Variants in MBNL1 observed in about 807,000 individuals in gnomAD.
MBNL1 encodes muscleblind like splicing regulator 1, also known as muscleblind-like protein 1.
Under a neutral mutation model 42.2 loss-of-function variants are expected in MBNL1, and 8 were observed. That is an observed-to-expected ratio of 0.19 (90% CI 0.11 to 0.34). MBNL1 has a LOEUF of 0.34. MBNL1 is among the 10% of genes least tolerant of loss of function. The probability of loss-of-function intolerance (pLI) is 1.00; values close to 1 mark genes in which losing one functional copy is unlikely to be tolerated. For synonymous variants in MBNL1, 169 were observed against 173.9 expected, an observed-to-expected ratio of 0.97 and a Z score of 0.22; for missense variants, 309 against 495.3, an observed-to-expected ratio of 0.62 and a Z score of 3.57.
chr3:152,337,146 A>G (rs2090795842), intron 2 of MBNL1, among the ~76,000 whole-genome samples: 1 of 152,116 alleles, frequency 6.6e-6, no homozygotes, highest in Admixed American at 6.6e-5. Context: ...ACTCTTTTGT[A>G]GCTGTTTAAT....
chr3:152,338,093 A>G (rs2091688892), intron 2 of MBNL1: 1 of 964,580 alleles, frequency 1.0e-6, no homozygotes, highest in Non-Finnish European at 1.2e-6. Context: ...ATGCTATAAT[A>G]TGTATTCCTT....
chr3:152,265,443 T>A (rs2037073018), upstream of MBNL1: 1 of 150,280 alleles, frequency 6.7e-6, no homozygotes, highest in Non-Finnish European at 1.5e-5. Flanking sequence ...CAAGTTATAT[T>A]GCAGAGGCAG....
intron 2 of MBNL1, among the ~76,000 whole-genome samples, chr3:152,385,923 T>C (rs2097396807): frequency 6.6e-6 from 1 of 152,036 alleles, no homozygotes; most frequent in Non-Finnish European, 1.5e-5. Flanking sequence ...CTGGCTGAAG[T>C]CTATCCCATA....
intron 2 of MBNL1, among the ~76,000 whole-genome samples, chr3:152,386,785 A>G (rs1349251282): frequency 6.6e-6 from 1 of 152,156 alleles, no homozygotes; most frequent in Non-Finnish European, 1.5e-5. Flanking sequence ...AAAAAACACT[A>G]AAATCCTTTT....
chr3:152,361,832 A>G (rs1215648380), intron 2 of MBNL1, among the ~76,000 whole-genome samples: 4 of 152,212 alleles, frequency 2.6e-5, no homozygotes, highest in Non-Finnish European at 4.4e-5. Context: ...TGATTACTGT[A>G]CATTTAATAA....
chr3:152,335,248 T>C (rs1224719563), intron 2 of MBNL1: 4 of 1,289,544 alleles, frequency 3.1e-6, no homozygotes, highest in Admixed American at 2.3e-5. Context: ...AATAAGGCAA[T>C]TGGGGAGCCA....
intron 2 of MBNL1, among the ~76,000 whole-genome samples, chr3:152,389,963 C>A (rs1021927842): frequency 3.9e-4 from 59 of 151,990 alleles, no homozygotes; most frequent in African/African-American, 1.3e-3. Context: ...GCAACATATG[C>A]CTCCCGGGTT....
intron 1 of MBNL1, among the ~76,000 whole-genome samples, chr3:152,286,191 A>G (rs1455732907): frequency 6.6e-6 from 1 of 150,662 alleles, no homozygotes; most frequent in Non-Finnish European, 1.5e-5. Flanking sequence ...GTATATGAAG[A>G]AAACGATTTG....
intron 2 of MBNL1, among the ~76,000 whole-genome samples, chr3:152,379,648 CAA>C (rs2097092646): frequency 6.6e-6 from 1 of 152,128 alleles, no homozygotes; most frequent in East Asian, 1.9e-4. Flanking sequence ...GGCAGAATCT[CAA>C]AAATTTTCTA....
chr3:152,281,003 A>G (rs1026309419), intron 1 of MBNL1, among the ~76,000 whole-genome samples: 1 of 152,178 alleles, frequency 6.6e-6, no homozygotes, highest in Non-Finnish European at 1.5e-5. Flanking sequence ...TTTATGGCCT[A>G]TAGAAAAAGG....
intron 3 of MBNL1, among the ~76,000 whole-genome samples, chr3:152,420,988 C>T (rs1465749633): frequency 6.6e-6 from 1 of 152,106 alleles, no homozygotes; most frequent in Non-Finnish European, 1.5e-5. Context: ...GTATCAGTAG[C>T]TGAATCGATC....
chr3:152,352,573 G>GT (rs141461116), intron 2 of MBNL1, among the ~76,000 whole-genome samples: 2,688 of 149,802 alleles, frequency 0.018, 70 homozygotes, highest in African/African-American at 0.062. Context: ...TCCCACCCTG[G>GT]TTTTTTTTTG....
chr3:152,397,623 G>A (rs1042744891), intron 2 of MBNL1, among the ~76,000 whole-genome samples: 4 of 151,908 alleles, frequency 2.6e-5, no homozygotes, highest in African/African-American at 4.8e-5. Context: ...ATAATAAAGC[G>A]CTGATAATCT....
chr3:152,258,063 A>T (rs377007812), intron 2 of MBNL1, among the ~76,000 whole-genome samples: 1 of 152,168 alleles, frequency 6.6e-6, no homozygotes, highest in African/African-American at 2.4e-5. Context: ...TAATATAAAA[A>T]CTGTAAAGGT....
At chr3:152,258,030 C>G (rs138344882) in intron 2 of MBNL1, among the ~76,000 whole-genome samples, 1 of 152,128 alleles carries the variant, frequency 6.6e-6, no homozygotes, top group Admixed American at 6.5e-5. Context: ...ACATCTTGGG[C>G]TCCTTTTTAA....
intron 2 of MBNL1, among the ~76,000 whole-genome samples, chr3:152,317,025 A>G (rs1052432943): frequency 7.2e-5 from 11 of 152,062 alleles, no homozygotes; most frequent in African/African-American, 2.7e-4. Flanking sequence ...TAAATTTCTG[A>G]TTCAAAAAAT....
intron 2 of MBNL1, among the ~76,000 whole-genome samples, chr3:152,354,719 G>A (rs2095380673): frequency 6.6e-6 from 1 of 151,592 alleles, no homozygotes; most frequent in Admixed American, 6.6e-5. Flanking sequence ...TGTAAGAAAA[G>A]TAAATACCAA....
chr3:152,283,813 G>C (rs1266813815), intron 1 of MBNL1, among the ~76,000 whole-genome samples: 1 of 152,126 alleles, frequency 6.6e-6, no homozygotes, highest in Non-Finnish European at 1.5e-5. Context: ...TGCCATTACT[G>C]TCTGGATTTC....
chr3:152,403,314 A>G (rs368159233), intron 2 of MBNL1, among the ~76,000 whole-genome samples: 5 of 152,198 alleles, frequency 3.3e-5, no homozygotes, highest in East Asian at 1.9e-4. Flanking sequence ...TCTGATTGCC[A>G]TTTAGAACAG....
Sources: allele counts gnomAD v4.1 joint callset (sites outside exome capture counted in the v4.1 genomes callset), GRCh38; gene constraint gnomAD v4.1.1; transcripts MANE v1.5; gene names NCBI Gene and HGNC (gene_info 2026-07-23, HGNC 2026-07-21).